The following LIN9 variants were observed in gnomAD, a reference collection of about 807,000 sequenced individuals.
LIN9 encodes the protein lin-9 DREAM MuvB core complex component, also known as protein lin-9 homolog.
In LIN9, 18 loss-of-function variants were observed where a neutral mutation model predicts 78.0. The ratio of observed to expected loss-of-function variants is 0.23; its 90% CI spans 0.16 to 0.34. LIN9 has a LOEUF of 0.34. LIN9 is among the 10% of genes least tolerant of loss of function. LIN9 has a pLI of 1.00. For synonymous variants in LIN9, 192 were observed against 215.2 expected, an observed-to-expected ratio of 0.89 and a Z score of 0.94; for missense variants, 451 against 644.1, an observed-to-expected ratio of 0.70 and a Z score of 3.25.
At chr1:226,272,758 G>A (rs1477447933) in intron 7 of LIN9, among the ~76,000 whole-genome samples, 1 of 151,848 alleles carries the variant, frequency 6.6e-6, no homozygotes, top group Non-Finnish European at 1.5e-5. Context: ...TCTATATAAA[G>A]GCTAAGCCGT....
At chr1:226,259,937 A>T (rs1659459470) in intron 10 of LIN9, among the ~76,000 whole-genome samples, 1 of 83,794 alleles carries the variant, frequency 1.2e-5, no homozygotes, top group Non-Finnish European at 2.7e-5. Context: ...AATAAAATTG[A>T]AAACAGAAAA....
In LIN9 at chr1:226,241,214, G is replaced by A. The variant is rs80262213; in HGVS notation, c.1120-2118C>T. Among the ~76,000 whole-genome samples the A allele has an allele frequency of 7.3e-3, 1,114 of 152,308 alleles. 18 individuals carry two copies. The highest frequency in any genetic ancestry group is 0.026 in the African/African-American group (1,062 of 41,554). ...TGAAGTTAAAACCACTGGATCATCC[G>A]AAAGATTTTCTATAAGAATGCAGGG... On this transcript the variant is annotated intron_variant, in intron 11 of 14. Transcript: ENST00000681046.
intron 10 of LIN9, among the ~76,000 whole-genome samples, chr1:226,254,625 C>T (rs1229913040): frequency 6.6e-6 from 1 of 151,982 alleles, no homozygotes; most frequent in East Asian, 1.9e-4. Flanking sequence ...AAATCAATGA[C>T]ACTTGGCCAG....
chr1:226,248,555 C>T (rs1658630180), intron 11 of LIN9, among the ~76,000 whole-genome samples: 1 of 151,868 alleles, frequency 6.6e-6, no homozygotes, highest in South Asian at 2.1e-4. Flanking sequence ...AACAAATGCA[C>T]AAAAATATTA....
intron 1 of LIN9, among the ~76,000 whole-genome samples, chr1:226,305,882 C>A (rs1421740390): frequency 1.3e-5 from 2 of 151,988 alleles, no homozygotes; most frequent in African/African-American, 4.8e-5. Flanking sequence ...GGGAAGGGGG[C>A]TGAATTAATG....
chr1:226,257,491 A>G (rs1576300995), intron 10 of LIN9, among the ~76,000 whole-genome samples: 1 of 152,212 alleles, frequency 6.6e-6, no homozygotes, highest in East Asian at 1.9e-4. Flanking sequence ...TAAATAAAAT[A>G]ATGAGAGCAA....
At position 226,259,989 on chromosome 1, in the gene LIN9, G is replaced by T. The variant is rs534212577; in HGVS notation, c.1038+5544C>A. ...AAACCAAAAGCTGGTTGTTTAAAAA[G>T]ATCAATGATACTGATAAGCCTCTAG... On this transcript the variant is annotated intron_variant, in intron 10 of 14. Transcript: ENST00000681046. Among the ~76,000 whole-genome samples the T allele has an allele frequency of 2.6e-5, 4 of 151,928 alleles. No homozygotes were observed. In the South Asian group the frequency reaches 8.3e-4, roughly 32 times the overall value.
At chr1:226,237,459 C>T (rs1657789424) in intron 12 of LIN9, among the ~76,000 whole-genome samples, 1 of 150,496 alleles carries the variant, frequency 6.6e-6, no homozygotes, top group Admixed American at 6.6e-5. Flanking sequence ...ATGGAGAAAC[C>T]CTGTCTCTAC....
chr1:226,302,080 A>G (rs1007369320), intron 1 of LIN9, among the ~76,000 whole-genome samples: 2 of 152,144 alleles, frequency 1.3e-5, no homozygotes, highest in Non-Finnish European at 2.9e-5. Flanking sequence ...AAAAAATAAA[A>G]AAGACATTAG....
chr1:226,261,758 T>C (rs1659603231), intron 10 of LIN9, among the ~76,000 whole-genome samples: 1 of 152,230 alleles, frequency 6.6e-6, no homozygotes, highest in Non-Finnish European at 1.5e-5. Flanking sequence ...TTTATGGATA[T>C]TGACAAAATG....
In LIN9 at chr1:226,292,799, G is replaced by GT. The variant is rs1000875635; in HGVS notation, c.264+3042dup. Among the ~76,000 whole-genome samples, 16 of 151,982 alleles carry GT rather than the reference G, an allele frequency of 1.1e-4. No homozygotes were observed. The East Asian group carries it at 1.4e-3, about 13-fold the overall frequency. On this transcript the variant is annotated intron_variant, in intron 4 of 14. Coordinates refer to ENST00000681046, the MANE Select transcript of LIN9 (RefSeq NM_001366245.2). ...TGTAAAGTCTATCTCAACAAAGCTGGTTTTTTTTCTTTTTAAAGTAGGACT... is the reference window on the plus strand; with the variant it reads ...TGTAAAGTCTATCTCAACAAAGCTGGTTTTTTTTTCTTTTTAAAGTAGGACT...
intron 11 of LIN9, 58 bp downstream of exon 11, chr1:226,250,781 G>A: frequency 1.2e-6 from 1 of 830,204 alleles, no homozygotes; most frequent in Non-Finnish European, 2.0e-6. Flanking sequence ...AGATATAGAT[G>A]GTCTCACTAT....
intron 11 of LIN9, among the ~76,000 whole-genome samples, chr1:226,242,671 T>C (rs1658193209): frequency 6.6e-6 from 1 of 152,188 alleles, no homozygotes; most frequent in Non-Finnish European, 1.5e-5. Flanking sequence ...TGCAACAGCC[T>C]ACCAGATCGT....
rs768972563 is a variant in LIN9, at chr1:226,286,355, G to T, written c.502C>A (p.Arg168=). The T allele has an allele frequency of 1.9e-6, 3 of 1,610,352 alleles. No individual in the cohort carries two copies. Among genetic ancestry groups the T allele is most frequent in the Admixed American group, 3.4e-5 (2 of 58,908 alleles). ...TACCTCCGTGGTTTTCCCATAAGCCGCCGAATTTTTCCCCATTCTACTCTT... is the reference window on the plus strand; with the variant it reads ...TACCTCCGTGGTTTTCCCATAAGCCTCCGAATTTTTCCCCATTCTACTCTT... ...LTRVEWGKIR[R]LMGKPRRCSS... The change falls in exon 6 of 15, where the codon CGG becomes AGG. Residue 168 remains arginine (R), a synonymous_variant. Coordinates refer to ENST00000681046, the MANE Select transcript of LIN9 (RefSeq NM_001366245.2).
chr1:226,268,152 C>A (rs1033157509), intron 7 of LIN9, 62 bp from the exon 8 acceptor site: 58 of 1,490,280 alleles, frequency 3.9e-5, no homozygotes, highest in African/African-American at 6.9e-5. Context: ...AAATATAAAA[C>A]TGTTCCAAGC....
chr1:226,274,832 T>C (rs572926025), intron 7 of LIN9, among the ~76,000 whole-genome samples: 6 of 152,166 alleles, frequency 3.9e-5, no homozygotes, highest in Non-Finnish European at 8.8e-5. Context: ...ATTTTCTTTA[T>C]CTGAAAAAAT....
intron 6 of LIN9, among the ~76,000 whole-genome samples, chr1:226,278,649 T>C (rs10915964): frequency 0.71 from 106,590 of 149,860 alleles, 37,692 homozygotes; most frequent in East Asian, 0.75. Context: ...CATGGCAAAA[T>C]CCCGTCTGTA....
chr1:226,274,843 G>A (rs956209471), intron 7 of LIN9, among the ~76,000 whole-genome samples: 1 of 151,902 alleles, frequency 6.6e-6, no homozygotes, highest in African/African-American at 2.4e-5. Context: ...CTGAAAAAAT[G>A]TCCATTTATT....
Position 226,266,138 on chromosome 1 carries a change from A to T in LIN9, c.936+75T>A, listed in dbSNP as rs1229501491. The T allele has an allele frequency of 4.0e-6, 4 of 991,798 alleles. No homozygotes were observed. In the East Asian group the frequency reaches 1.2e-4, roughly 30 times the overall value. The allele number at this position is 991,798 out of a possible 1,614,324, so 61.4% of individuals were successfully genotyped here. ...GCATACTTTGAAGTTGCTGTAATAGATGTGTATTTCTTAAGAACATAGTTC... is the reference window on the plus strand; with the variant it reads ...GCATACTTTGAAGTTGCTGTAATAGTTGTGTATTTCTTAAGAACATAGTTC... On this transcript the variant is annotated intron_variant, in intron 9 of 14. Coordinates refer to ENST00000681046, the MANE Select transcript of LIN9 (RefSeq NM_001366245.2).
Sources: gnomAD v4.1 joint callset for allele counts (sites outside exome capture counted in the v4.1 genomes callset) on GRCh38, gnomAD v4.1.1 for gene constraint, MANE v1.5 for transcripts, NCBI Gene and HGNC (gene_info 2026-07-23, HGNC 2026-07-21) for gene names.